OSBPL1A: variants seen among roughly 807,000 people sequenced by gnomAD.
OSBPL1A encodes the protein oxysterol-binding protein-related protein 1.
In OSBPL1A, 80 loss-of-function variants were observed where a neutral mutation model predicts 137.1. The observed-to-expected ratio is 0.58, with a 90% confidence interval of 0.49 to 0.70. OSBPL1A has a LOEUF of 0.70. Ranked by LOEUF, OSBPL1A falls within the 30% of genes least tolerant of loss-of-function variation. The pLI, the probability that OSBPL1A is intolerant of heterozygous loss-of-function variation, is 0.00. For synonymous variants in OSBPL1A, 365 were observed against 389.7 expected (o/e 0.94, Z 0.75); for missense variants, 970 against 1,129.4 (o/e 0.86, Z 2.02).
chr18:24,319,426 A>G (rs2090799055), intron 7 of OSBPL1A, among the ~76,000 whole-genome samples: 1 of 152,162 alleles, frequency 6.6e-6, no homozygotes, highest in Non-Finnish European at 1.5e-5. Flanking sequence ...GACCACAGCC[A>G]CGCTTCAGCC....
At chr18:24,371,166 A>G (rs1329344010) in intron 2 of OSBPL1A, among the ~76,000 whole-genome samples, 1 of 152,198 alleles carries the variant, frequency 6.6e-6, no homozygotes, top group African/African-American at 2.4e-5. Flanking sequence ...AACCACACCC[A>G]GGTCGCTAAC....
intron 17 of OSBPL1A, among the ~76,000 whole-genome samples, chr18:24,199,229 T>G (rs1464634770): frequency 6.6e-6 from 1 of 151,866 alleles, no homozygotes; most frequent in African/African-American, 2.4e-5. Context: ...GGCAAAGGTG[T>G]CTGGAAAACA....
At chr18:24,351,347 C>CAAAAAAAAAAAAAAAAAAAAAAAAAAAA (rs1172514692) in intron 4 of OSBPL1A, among the ~76,000 whole-genome samples, 7 of 35,772 alleles carry the variant, frequency 2.0e-4, no homozygotes, top group African/African-American at 3.0e-4. Context: ...GACTCTGTCT[C>CAAAAAAAAAAAAAAAAAAAAAAAAAAAA]AAAAAAAAAA....
intron 7 of OSBPL1A, among the ~76,000 whole-genome samples, chr18:24,319,904 G>T (rs566960568): frequency 6.6e-5 from 10 of 151,758 alleles, no homozygotes; most frequent in African/African-American, 2.4e-4. Flanking sequence ...CAGTACTCTG[G>T]GAGGCTAAGG....
At chr18:24,235,340 T>C (rs2088432067) in intron 16 of OSBPL1A, among the ~76,000 whole-genome samples, 1 of 152,230 alleles carries the variant, frequency 6.6e-6, no homozygotes, top group African/African-American at 2.4e-5. Flanking sequence ...TAGTTAATTC[T>C]TTGCAATGAT....
chr18:24,297,489 G>A (rs921462658), intron 14 of OSBPL1A, among the ~76,000 whole-genome samples: 1 of 152,034 alleles, frequency 6.6e-6, no homozygotes, highest in Non-Finnish European at 1.5e-5. Flanking sequence ...ACACTAGCTT[G>A]TCAATTTGTG....
At chr18:24,280,708 T>C in intron 15 of OSBPL1A, 134 bp downstream of exon 15, 1 of 493,426 alleles carries the variant, frequency 2.0e-6, no homozygotes. Flanking sequence ...TAAATTTTTG[T>C]GACAAATGAA....
At chr18:24,315,661 A>G (rs1599655589) in intron 11 of OSBPL1A, among the ~76,000 whole-genome samples, 1 of 114,404 alleles carries the variant, frequency 8.7e-6, no homozygotes, top group African/African-American at 5.2e-5. Context: ...TAAAATTATA[A>G]TATAATATAT....
intron 4 of OSBPL1A, among the ~76,000 whole-genome samples, chr18:24,356,633 C>T (rs1414703076): frequency 1.3e-5 from 2 of 152,178 alleles, no homozygotes; most frequent in Non-Finnish European, 2.9e-5. Context: ...GTTGGTACAA[C>T]CCTCACATTG....
Position 24,318,581 on chromosome 18 carries a change from A to T in OSBPL1A, c.732+20T>A. On this transcript the variant is annotated intron_variant, in intron 9 of 27. Coordinates refer to ENST00000319481, the MANE Select transcript of OSBPL1A (RefSeq NM_080597.4). Reference sequence around the variant, plus strand: ...AATTATTCTTTACAGTTATATAATTAAAAAACCACCTCAACTTACCTTCCA... The same window carrying T: ...AATTATTCTTTACAGTTATATAATTTAAAAACCACCTCAACTTACCTTCCA... 3 of 1,593,444 alleles carry T rather than the reference A, an allele frequency of 1.9e-6. No homozygotes were observed. Among genetic ancestry groups the T allele is most frequent in the Non-Finnish European group, 1.7e-6 (2 of 1,170,094 alleles).
rs1197031439 is a variant in OSBPL1A, at chr18:24,332,968, G to A, written c.599C>T (p.Ala200Val). The change falls in exon 7 of 28, where the codon GCA (alanine) becomes GTA (valine). Residue 200 changes from alanine (A) to valine (V), a missense_variant. Ala to Val is a moderately conservative substitution (Grantham distance 64). Transcript: ENST00000319481. ...ATTTTTGTTCTTCAGATTAGGGTCTGCTCCACTTCTTAGAAGCTTTAAGGC... is the reference window on the plus strand; with the variant it reads ...ATTTTTGTTCTTCAGATTAGGGTCTACTCCACTTCTTAGAAGCTTTAAGGC... ...QCALKLLRSG[A>V]DPNLKNKNDQ... 8 of 1,614,014 alleles carry A rather than the reference G, an allele frequency of 5.0e-6. No homozygotes were observed. In the Middle Eastern group the frequency reaches 4.9e-4, roughly 99 times the overall value.
chr18:24,240,539 C>T (rs1181564861), intron 15 of OSBPL1A, among the ~76,000 whole-genome samples: 1 of 152,084 alleles, frequency 6.6e-6, no homozygotes, highest in South Asian at 2.1e-4. Flanking sequence ...ATTTCTGGAG[C>T]CAATGTGCAC....
chr18:24,390,398 C>T (rs2144281734), intron 1 of OSBPL1A, among the ~76,000 whole-genome samples: 1 of 152,232 alleles, frequency 6.6e-6, no homozygotes, highest in African/African-American at 2.4e-5. Context: ...TATAATTTAG[C>T]CTTTAAAAGG....
At position 24,163,142 on chromosome 18, in the gene OSBPL1A, T is replaced by C; in HGVS notation, c.*37A>G. ...TTTAAAAACATAGGTTTAAGACTTA[T>C]TTGTAGATTAGCCAAACACCCTGAC... is the stretch of plus-strand genomic sequence containing the variant. On this transcript the variant is annotated 3_prime_UTR_variant, in exon 28 of 28. Coordinates refer to ENST00000319481, the MANE Select transcript of OSBPL1A (RefSeq NM_080597.4). The C allele has an allele frequency of 6.8e-7, 1 of 1,467,438 alleles. No individual in the cohort carries two copies. Among genetic ancestry groups the C allele is most frequent in the Non-Finnish European group, 9.5e-7 (1 of 1,057,698 alleles). 90.9% of individuals were successfully genotyped at this position (1,467,438 alleles called of 1,614,324 possible).
intron 15 of OSBPL1A, among the ~76,000 whole-genome samples, chr18:24,277,240 C>T (rs1375697143): frequency 1.3e-5 from 2 of 151,700 alleles, no homozygotes; most frequent in Non-Finnish European, 2.9e-5. Flanking sequence ...AAAGGCCAAT[C>T]TTGAGACACC....
intron 3 of OSBPL1A, 99 bp from the exon 4 acceptor site, chr18:24,367,065 T>C: frequency 1.0e-6 from 1 of 987,936 alleles, no homozygotes; most frequent in East Asian, 2.8e-5. Context: ...ATTGTTAATA[T>C]TGTTTAGGTG....
chr18:24,260,791 T>C (rs1369519298), intron 15 of OSBPL1A, among the ~76,000 whole-genome samples: 1 of 150,860 alleles, frequency 6.6e-6, no homozygotes, highest in Non-Finnish European at 1.5e-5. Flanking sequence ...GTGAATTTTA[T>C]GTTATGTGAA....
At chr18:24,164,828 C>T (rs1474515842) in intron 27 of OSBPL1A, among the ~76,000 whole-genome samples, 1 of 152,198 alleles carries the variant, frequency 6.6e-6, no homozygotes, top group East Asian at 1.9e-4. Context: ...TACCTGCATC[C>T]CCACGTTTAT....
At chr18:24,371,473 G>C (rs1905631580) in intron 2 of OSBPL1A, among the ~76,000 whole-genome samples, 2 of 152,122 alleles carry the variant, frequency 1.3e-5, no homozygotes, top group Non-Finnish European at 2.9e-5. Context: ...TTCCTCCCGA[G>C]GTCTAAGACT....
Sources: allele counts gnomAD v4.1 joint callset (sites outside exome capture counted in the v4.1 genomes callset), GRCh38; gene constraint gnomAD v4.1.1; transcripts MANE v1.5; gene names NCBI Gene and HGNC (gene_info 2026-07-23, HGNC 2026-07-21).